Variants in MGLL observed in about 807,000 individuals in gnomAD.
MGLL encodes the protein lysophospholipase homolog.
A neutral mutation model predicts 29.1 loss-of-function variants in MGLL; 7 were observed. That is an observed-to-expected ratio of 0.24 (90% CI 0.14 to 0.45). MGLL has a LOEUF of 0.45. MGLL is among the 20% of genes least tolerant of loss of function. The probability of loss-of-function intolerance (pLI) is 0.99; values close to 1 mark genes in which losing one functional copy is unlikely to be tolerated. For missense variants in MGLL, 356 were observed against 413.6 expected (o/e 0.86, Z 1.21); for synonymous variants, 148 against 168.3 (o/e 0.88, Z 0.93).
chr3:127,771,384 T>C (rs2076945590), intron 3 of MGLL, among the ~76,000 whole-genome samples: 1 of 152,240 alleles, frequency 6.6e-6, no homozygotes, highest in Admixed American at 6.5e-5. Context: ...GGTCTCGCTC[T>C]GTCGCCCAGG....
chr3:127,726,017 C>G (rs1365064640), intron 3 of MGLL, among the ~76,000 whole-genome samples: 9 of 150,590 alleles, frequency 6.0e-5, no homozygotes, highest in African/African-American at 2.2e-4. Context: ...GTGAGCTGTG[C>G]TCGCACCACT....
At chr3:127,731,603 A>T (rs1233409547) in intron 3 of MGLL, among the ~76,000 whole-genome samples, 1 of 152,074 alleles carries the variant, frequency 6.6e-6, no homozygotes, top group African/African-American at 2.4e-5. Flanking sequence ...CAGGCAACAG[A>T]CAATTAAGGA....
At chr3:127,806,068 G>A (rs2077559456) in intron 2 of MGLL, among the ~76,000 whole-genome samples, 6 of 152,208 alleles carry the variant, frequency 3.9e-5, no homozygotes, top group Admixed American at 3.9e-4. Context: ...GCCTGACAAT[G>A]CCCATCTTTG....
At position 127,691,113 on chromosome 3, in the gene MGLL, C is replaced by T. The variant is rs534183047; in HGVS notation, c.*1085G>A. 1 of 152,700 alleles carries T rather than the reference C, an allele frequency of 6.5e-6. No homozygotes were observed. Among genetic ancestry groups the T allele is most frequent in the Non-Finnish European group, 1.5e-5 (1 of 68,098 alleles). The allele number at this position is 152,700 out of a possible 1,614,324, so 9.5% of individuals were successfully genotyped here. ...CTCTGGGCCATAGGCAGGCCCAGGCCCAGGCCTAGGGATCATAGCCCCATA... is the reference window on the plus strand; with the variant it reads ...CTCTGGGCCATAGGCAGGCCCAGGCTCAGGCCTAGGGATCATAGCCCCATA... On this transcript the variant is annotated 3_prime_UTR_variant, in exon 8 of 8. Coordinates refer to ENST00000265052, the MANE Select transcript of MGLL (RefSeq NM_007283.7).
chr3:127,722,593 A>T (rs1403426053), intron 3 of MGLL, 27 bp from the exon 4 acceptor site: 1 of 1,614,184 alleles, frequency 6.2e-7, no homozygotes, highest in Non-Finnish European at 8.5e-7. Flanking sequence ...GATGAGAGAG[A>T]GCTGCAGTTA....
chr3:127,712,775 G>GTA (rs2075743182), intron 5 of MGLL: 3 of 152,334 alleles, frequency 2.0e-5, no homozygotes, highest in Admixed American at 1.3e-4. Context: ...ATGTTCAAGA[G>GTA]TCCAGCTAGT....
At chr3:127,771,994 C>T (rs1015296296) in intron 3 of MGLL, among the ~76,000 whole-genome samples, 9 of 152,254 alleles carry the variant, frequency 5.9e-5, no homozygotes, top group Middle Eastern at 6.8e-3. Context: ...CTTACACCAA[C>T]GTCTCTCAGG....
At chr3:127,707,316 G>C (rs185348888) in intron 6 of MGLL, among the ~76,000 whole-genome samples, 307 of 152,316 alleles carry the variant, frequency 2.0e-3, no homozygotes, top group Middle Eastern at 6.8e-3. Context: ...GGATGGCTGA[G>C]GGCATGGGCA....
intron 6 of MGLL, among the ~76,000 whole-genome samples, chr3:127,708,527 T>C (rs1253228877): frequency 6.6e-6 from 1 of 152,208 alleles, no homozygotes; most frequent in Non-Finnish European, 1.5e-5. Context: ...AGATCTGAAA[T>C]TGGATGCTTT....
intron 3 of MGLL, among the ~76,000 whole-genome samples, chr3:127,776,492 A>G (rs1352186631): frequency 2.0e-5 from 3 of 151,614 alleles, no homozygotes; most frequent in Non-Finnish European, 4.4e-5. Context: ...ACAAGCTCCC[A>G]CTCTCCGACA....
chr3:127,758,003 G>T (rs1378173815), intron 3 of MGLL, among the ~76,000 whole-genome samples: 1 of 152,158 alleles, frequency 6.6e-6, no homozygotes, highest in African/African-American at 2.4e-5. Flanking sequence ...GAGGATCTCT[G>T]GGCCCTGTGT....
intron 3 of MGLL, among the ~76,000 whole-genome samples, chr3:127,728,922 G>A (rs1191456773): frequency 6.6e-6 from 1 of 152,112 alleles, no homozygotes; most frequent in Admixed American, 6.5e-5. Flanking sequence ...TCATATGATA[G>A]GAGACAAAGT....
chr3:127,752,127 C>G (rs990630383), intron 3 of MGLL, among the ~76,000 whole-genome samples: 20 of 150,172 alleles, frequency 1.3e-4, no homozygotes, highest in African/African-American at 4.7e-4. Flanking sequence ...GACGGAGTTT[C>G]ACTCTTCTTG....
Position 127,689,413 on chromosome 3 carries a change from C to T in MGLL, c.*2785G>A, listed in dbSNP as rs531575375. On this transcript the variant is annotated 3_prime_UTR_variant, in exon 8 of 8. Coordinates refer to ENST00000265052, the MANE Select transcript of MGLL (RefSeq NM_007283.7). ...GAAGGGAGGGAGGCTGACTCTCTAC[C>T]CCTCACCTCTGCAAGGAACTGAGGC... is the stretch of plus-strand genomic sequence containing the variant. 2 of 152,188 alleles carry T rather than the reference C, an allele frequency of 1.3e-5. No homozygotes were observed. The highest frequency in any genetic ancestry group is 4.1e-4 in the South Asian group (2 of 4,826). 9.4% of individuals were successfully genotyped at this position (152,188 alleles called of 1,614,324 possible).
chr3:127,725,046 G>GT (rs1220050466), intron 3 of MGLL, among the ~76,000 whole-genome samples: 1 of 151,760 alleles, frequency 6.6e-6, no homozygotes, highest in Non-Finnish European at 1.5e-5. Context: ...TCCTTAAGGG[G>GT]TGGTCCACAC....
At chr3:127,719,682 C>T (rs3773154) in intron 5 of MGLL, among the ~76,000 whole-genome samples, 24,185 of 152,172 alleles carry the variant, frequency 0.16, 2,078 homozygotes, top group Middle Eastern at 0.37. Flanking sequence ...ATGTCTCCCC[C>T]CAATCGCACG....
At chr3:127,742,589 CAAAAAAAAAAA>C (rs60743176) in intron 3 of MGLL, among the ~76,000 whole-genome samples, 1 of 70,498 alleles carries the variant, frequency 1.4e-5, no homozygotes, top group Admixed American at 1.9e-4. Flanking sequence ...GACTCCGTCC[CAAAAAAAAAAA>C]AAAAAAAAAA....
intron 2 of MGLL, among the ~76,000 whole-genome samples, chr3:127,813,726 C>T (rs969950886): frequency 6.6e-6 from 1 of 152,168 alleles, no homozygotes; most frequent in African/African-American, 2.4e-5. Flanking sequence ...ACTCCCGGGT[C>T]ATTGACCCCC....
chr3:127,737,269 C>T (rs1282325744), intron 3 of MGLL, among the ~76,000 whole-genome samples: 1 of 151,694 alleles, frequency 6.6e-6, no homozygotes, highest in Non-Finnish European at 1.5e-5. Flanking sequence ...CTCACTAATC[C>T]TCACAGCACC....
Sources: allele counts gnomAD v4.1 joint callset (sites outside exome capture counted in the v4.1 genomes callset), GRCh38; gene constraint gnomAD v4.1.1; transcripts MANE v1.5; gene names NCBI Gene and HGNC (gene_info 2026-07-23, HGNC 2026-07-21).